The following ADD2 variants were observed in gnomAD, a reference collection of about 807,000 sequenced individuals.
ADD2 encodes the protein adducin 2.
A neutral mutation model predicts 83.0 loss-of-function variants in ADD2; 23 were observed. The ratio of observed to expected loss-of-function variants is 0.28; its 90% CI spans 0.20 to 0.39. The LOEUF (loss-of-function observed/expected upper bound fraction) is 0.39, where lower values mean the gene tolerates loss of function less well. ADD2 is among the 10% of genes least tolerant of loss of function. The probability of loss-of-function intolerance (pLI) is 1.00; values close to 1 mark genes in which losing one functional copy is unlikely to be tolerated. For missense variants in ADD2, 758 were observed against 944.9 expected (o/e 0.80, Z 2.59); for synonymous variants, 375 against 375.4 (o/e 1.00, Z 0.01).
chr2:70,758,905 T>G (rs1377011400), intron 1 of ADD2, among the ~76,000 whole-genome samples: 1 of 152,104 alleles, frequency 6.6e-6, no homozygotes, highest in African/African-American at 2.4e-5. Context: ...AGGGGCAGTG[T>G]GGCCATATGA....
At chr2:70,672,352 A>G (rs566060875) in intron 15 of ADD2, among the ~76,000 whole-genome samples, 7 of 152,332 alleles carry the variant, frequency 4.6e-5, no homozygotes, top group Admixed American at 3.9e-4. Flanking sequence ...ACCTGACTCC[A>G]GACTTTTCTG....
chr2:70,705,721 C>T (rs1374538130), intron 3 of ADD2, among the ~76,000 whole-genome samples: 4 of 152,170 alleles, frequency 2.6e-5, no homozygotes, highest in Non-Finnish European at 5.9e-5. Context: ...ATCCCACAGC[C>T]CGGCTGAGCC....
chr2:70,712,352 G>C (rs1348703519), intron 2 of ADD2, among the ~76,000 whole-genome samples: 2 of 151,314 alleles, frequency 1.3e-5, no homozygotes, highest in Admixed American at 1.3e-4. Context: ...GCTGAGGCAG[G>C]AGAATCGCTT....
intron 4 of ADD2, among the ~76,000 whole-genome samples, chr2:70,697,674 C>T (rs555879408): frequency 6.6e-6 from 1 of 152,100 alleles, no homozygotes; most frequent in Non-Finnish European, 1.5e-5. Context: ...TGCTGCAGTA[C>T]GATGTATATC....
In ADD2 at chr2:70,660,329, T is replaced by C. The variant is rs1049076191; in HGVS notation, c.*3096A>G. 1 of 152,200 alleles carries C rather than the reference T, an allele frequency of 6.6e-6. No homozygotes were observed. The highest frequency in any genetic ancestry group is 6.5e-5 in the Admixed American group (1 of 15,282). The allele number at this position is 152,200 out of a possible 1,614,324, so 9.4% of individuals were successfully genotyped here. A position where few individuals can be genotyped will look rare whatever the true frequency, so the allele number is the denominator to read the frequency against. ...CTTAAGGTGCTTTATCCAAAGACTT[T>C]TATGGAAATAAATTTTGTGTTGGAA... is the stretch of plus-strand genomic sequence containing the variant. On this transcript the variant is annotated 3_prime_UTR_variant, in exon 16 of 16. Transcript: ENST00000264436.
chr2:70,707,883 G>A (rs544238532), intron 2 of ADD2, among the ~76,000 whole-genome samples: 1 of 152,290 alleles, frequency 6.6e-6, no homozygotes, highest in Admixed American at 6.5e-5. Context: ...AAGACTCCTG[G>A]CCTCCCAGGT....
At chr2:70,748,333 G>A (rs546159121) in intron 1 of ADD2, among the ~76,000 whole-genome samples, 35 of 150,958 alleles carry the variant, frequency 2.3e-4, no homozygotes, top group African/African-American at 8.3e-4. Flanking sequence ...TCTATTCTGT[G>A]TCTCTGTGTA....
intron 1 of ADD2, among the ~76,000 whole-genome samples, chr2:70,722,095 C>T (rs1672755583): frequency 6.6e-6 from 1 of 152,138 alleles, no homozygotes; most frequent in Non-Finnish European, 1.5e-5. Flanking sequence ...ACATCTCCTG[C>T]TTAAAGGAAT....
At chr2:70,715,286 A>G (rs1446282935) in intron 1 of ADD2, among the ~76,000 whole-genome samples, 2 of 152,110 alleles carry the variant, frequency 1.3e-5, no homozygotes, top group African/African-American at 4.8e-5. Flanking sequence ...GGGAGTTTAG[A>G]TAATCCTGGC....
intron 1 of ADD2, among the ~76,000 whole-genome samples, chr2:70,763,771 C>A (rs1675237056): frequency 6.6e-6 from 1 of 151,852 alleles, no homozygotes; most frequent in Non-Finnish European, 1.5e-5. Context: ...GGAAATTGAG[C>A]AGGAGAGAGG....
In ADD2 at chr2:70,690,803, G is replaced by C. The variant is rs145329028; in HGVS notation, c.832C>G (p.Leu278Val). 6.0e-5 allele frequency: 97 copies of C among 1,613,924 alleles called. No individual in the cohort carries two copies. In the African/African-American group the frequency reaches 1.2e-3, roughly 20 times the overall value. ...EADRINLQKC[L>V]GPTCKILVLR... Reference sequence around the variant, plus strand: ...AAGCTAACCTTGCAGGTGGGTCCAAGGCACTTCTGCAGGTTGATCCGATCG... The same window carrying C: ...AAGCTAACCTTGCAGGTGGGTCCAACGCACTTCTGCAGGTTGATCCGATCG... Residue 278 changes from leucine to valine, a missense_variant, in exon 8 of 16, where the codon CTT becomes GTT. By Grantham distance (32) the Leu-to-Val change is conservative. Coordinates refer to ENST00000264436, the MANE Select transcript of ADD2 (RefSeq NM_001617.4).
At chr2:70,709,488 G>A (rs1355067861) in intron 2 of ADD2, among the ~76,000 whole-genome samples, 1 of 152,174 alleles carries the variant, frequency 6.6e-6, no homozygotes, top group Non-Finnish European at 1.5e-5. Context: ...CTGAGCTCTA[G>A]ACTAGAAGTC....
chr2:70,663,322 T>G lies in ADD2; in HGVS notation c.*103A>C. Reference sequence around the variant, plus strand: ...TTCCCCTTCCGAATGTGGTCCAGGGTCCTACTCTATCCCTCCTTAGCCCTG... The same window carrying G: ...TTCCCCTTCCGAATGTGGTCCAGGGGCCTACTCTATCCCTCCTTAGCCCTG... On this transcript the variant is annotated 3_prime_UTR_variant, in exon 16 of 16. Transcript: ENST00000264436. 7.7e-7 allele frequency: 1 copy of G among 1,306,456 alleles called. No homozygotes were observed. Among genetic ancestry groups the G allele is most frequent in the South Asian group, 1.4e-5 (1 of 70,544 alleles). 80.9% of individuals were successfully genotyped at this position (1,306,456 alleles called of 1,614,324 possible). A position where few individuals can be genotyped will look rare whatever the true frequency, so the allele number is the denominator to read the frequency against.
intron 1 of ADD2, among the ~76,000 whole-genome samples, chr2:70,747,007 ATTT>A (rs34113265): frequency 2.5e-5 from 3 of 121,202 alleles, no homozygotes; most frequent in Admixed American, 8.6e-5. Flanking sequence ...TCCAATATGG[ATTT>A]TTTTTTTTTT....
At chr2:70,692,964 CA>C (rs2104328870) in intron 6 of ADD2, among the ~76,000 whole-genome samples, 1 of 152,194 alleles carries the variant, frequency 6.6e-6, no homozygotes, top group South Asian at 2.1e-4. Flanking sequence ...TAGACAGAGA[CA>C]GGGGGAGTCT....
intron 1 of ADD2, among the ~76,000 whole-genome samples, chr2:70,745,656 G>T (rs1464958489): frequency 1.3e-5 from 2 of 152,234 alleles, no homozygotes; most frequent in Non-Finnish European, 2.9e-5. Context: ...CAGGAGAGCA[G>T]CTAGGAACAG....
At chr2:70,677,570 G>C (rs1182707446) in intron 12 of ADD2, among the ~76,000 whole-genome samples, 188 bp downstream of exon 12, 3 of 152,136 alleles carry the variant, frequency 2.0e-5, no homozygotes, top group Non-Finnish European at 2.9e-5. Context: ...AAAGGGTTAC[G>C]GGACCACAGG....
intron 1 of ADD2, among the ~76,000 whole-genome samples, chr2:70,758,782 A>G (rs551726431): frequency 3.9e-5 from 6 of 152,322 alleles, no homozygotes; most frequent in African/African-American, 1.2e-4. Flanking sequence ...CCTGGGCAAC[A>G]GAGCGAGACC....
chr2:70,747,525 G>A (rs544815648), intron 1 of ADD2, among the ~76,000 whole-genome samples: 7 of 145,890 alleles, frequency 4.8e-5, no homozygotes, highest in South Asian at 2.2e-4. Flanking sequence ...ACATGCTCTC[G>A]CATCATGCCA....
Sources: allele counts gnomAD v4.1 joint callset (sites outside exome capture counted in the v4.1 genomes callset), GRCh38; gene constraint gnomAD v4.1.1; transcripts MANE v1.5; gene names NCBI Gene and HGNC (gene_info 2026-07-23, HGNC 2026-07-21).